The following TENM3 variants were observed in gnomAD, a reference collection of about 807,000 sequenced individuals.
The protein encoded by TENM3 is teneurin-3.
TENM3 carries 63 observed loss-of-function variants against 255.1 expected under a neutral mutation model. That is an observed-to-expected ratio of 0.25 (90% CI 0.20 to 0.30). The LOEUF is 0.30. Ranked by LOEUF, TENM3 falls within the 10% of genes least tolerant of loss-of-function variation. The pLI is 1.00. For missense variants in TENM3, 2,929 were observed against 3,461.1 expected (o/e 0.85, Z 3.86); for synonymous variants, 1,306 against 1,322.3 (o/e 0.99, Z 0.27).
the TENM3 span, among the ~76,000 whole-genome samples, chr4:181,690,017 T>A: frequency 6.6e-6 from 1 of 152,106 alleles, no homozygotes; most frequent in African/African-American, 2.4e-5. Context: ...TTCAGGGAGA[T>A]TGCCATGTGC....
At chr4:182,575,195 T>C (rs114842652) in intron 3 of TENM3, among the ~76,000 whole-genome samples, 1 of 152,294 alleles carries the variant, frequency 6.6e-6, no homozygotes, top group Non-Finnish European at 1.5e-5. Flanking sequence ...TATCCTGGTA[T>C]TTTACAAGAT....
the TENM3 span, among the ~76,000 whole-genome samples, chr4:181,648,727 C>T: frequency 6.6e-6 from 1 of 152,162 alleles, no homozygotes; most frequent in South Asian, 2.1e-4. Context: ...AATTCTAAAC[C>T]TGTGTCCTTC....
chr4:182,636,655 T>C (rs959493711), intron 5 of TENM3, among the ~76,000 whole-genome samples: 39 of 151,310 alleles, frequency 2.6e-4, no homozygotes, highest in African/African-American at 9.5e-4. Flanking sequence ...AGGCAGAGGT[T>C]GCAGCGAGCA....
At chr4:181,693,286 C>T in the TENM3 span, among the ~76,000 whole-genome samples, 4 of 152,172 alleles carry the variant, frequency 2.6e-5, no homozygotes, top group Non-Finnish European at 4.4e-5. Context: ...GGATTAAAAT[C>T]CAAAATATTC....
upstream of TENM3, chr4:182,143,482 T>C (rs1003742578): frequency 6.0e-6 from 1 of 166,884 alleles, no homozygotes; most frequent in Non-Finnish European, 1.5e-5. This position sits in a 1 kb window ranked among gnomAD's most constrained non-coding sequence, Gnocchi z 4.3. Flanking sequence ...TCGGAATCCG[T>C]CTTCCCGGCA....
the TENM3 span, among the ~76,000 whole-genome samples, chr4:181,530,328 T>A: frequency 2.0e-5 from 3 of 152,212 alleles, no homozygotes. Context: ...CAAGTAATGA[T>A]CTTAGGAAGT....
At chr4:181,969,952 T>C in the TENM3 span, among the ~76,000 whole-genome samples, 3 of 152,222 alleles carry the variant, frequency 2.0e-5, no homozygotes, top group African/African-American at 7.2e-5. Context: ...AAGATTCAAG[T>C]AAGCAAGGCT....
At chr4:182,674,746 T>C (rs923914445) in intron 7 of TENM3, among the ~76,000 whole-genome samples, 2 of 152,092 alleles carry the variant, frequency 1.3e-5, no homozygotes, top group African/African-American at 2.4e-5. Context: ...CGGCTAATTT[T>C]TGTATTTTTT....
At chr4:182,332,619 G>A (rs1763840605) in intron 2 of TENM3, among the ~76,000 whole-genome samples, 4 of 151,700 alleles carry the variant, frequency 2.6e-5, no homozygotes, top group African/African-American at 9.7e-5. Flanking sequence ...GCGTGAACCC[G>A]GGAGGTGGAG....
intron 22 of TENM3, among the ~76,000 whole-genome samples, chr4:182,770,675 T>C (rs748397187): frequency 1.1e-4 from 16 of 152,226 alleles, no homozygotes; most frequent in Non-Finnish European, 1.5e-4. Context: ...CCCCTTCTGC[T>C]CACTCTGGTG....
intron 3 of TENM3, among the ~76,000 whole-genome samples, chr4:182,522,550 A>G (rs1327652770): frequency 2.0e-5 from 3 of 152,202 alleles, no homozygotes; most frequent in Non-Finnish European, 4.4e-5. Context: ...TCCACTGTGT[A>G]TATATACCAC....
At position 182,800,602 on chromosome 4, in the gene TENM3, A is replaced by C. The variant is rs1282229075; in HGVS notation, c.*251A>C. On this transcript the variant is annotated 3_prime_UTR_variant, in exon 28 of 28. Coordinates refer to ENST00000511685, the MANE Select transcript of TENM3 (RefSeq NM_001080477.4). ...GGACTGAACGTAGCCAGAGGAAAAA[A>C]AAATCATCAAGGACAAAGGCCTCGA... 4 of 393,732 alleles carry C rather than the reference A, an allele frequency of 1.0e-5. No individual in the cohort carries two copies. The highest frequency in any genetic ancestry group is 8.5e-5 in the African/African-American group (4 of 47,278). 24.4% of individuals were successfully genotyped at this position (393,732 alleles called of 1,614,324 possible).
the TENM3 span, among the ~76,000 whole-genome samples, chr4:181,792,967 T>C: frequency 6.6e-6 from 1 of 152,092 alleles, no homozygotes; most frequent in African/African-American, 2.4e-5. Flanking sequence ...TAGACGGTTT[T>C]TTTTTTCCTG....
chr4:182,630,994 G>C (rs1000069196), intron 5 of TENM3, among the ~76,000 whole-genome samples: 1 of 152,068 alleles, frequency 6.6e-6, no homozygotes, highest in Non-Finnish European at 1.5e-5. Flanking sequence ...ACTGTTACCT[G>C]TGAGACTTGT....
chr4:182,248,673 A>C (rs1213070502), intron 1 of TENM3, among the ~76,000 whole-genome samples: 1 of 152,234 alleles, frequency 6.6e-6, no homozygotes, highest in Non-Finnish European at 1.5e-5. Context: ...AGTGGATTAC[A>C]AAGGAGACCA....
At chr4:181,993,846 C>G in the TENM3 span, among the ~76,000 whole-genome samples, 78 of 152,062 alleles carry the variant, frequency 5.1e-4, no homozygotes, top group East Asian at 0.014. Flanking sequence ...GAATGCTGCC[C>G]GTTGGTTCTC....
At chr4:182,201,647 T>G (rs1275159217) in intron 1 of TENM3, among the ~76,000 whole-genome samples, 2 of 150,572 alleles carry the variant, frequency 1.3e-5, no homozygotes, top group Non-Finnish European at 3.0e-5. Flanking sequence ...CGGAAGGGGG[T>G]CTGAAGTTAT....
At chr4:181,886,733 A>T in the TENM3 span, among the ~76,000 whole-genome samples, 1 of 152,202 alleles carries the variant, frequency 6.6e-6, no homozygotes, top group Non-Finnish European at 1.5e-5. Context: ...CTTAGAAGTA[A>T]TTTTAAAAAT....
At chr4:182,335,305 T>TAACACG (rs1396272524) in intron 2 of TENM3, among the ~76,000 whole-genome samples, 364 of 45,324 alleles carry the variant, frequency 8.0e-3, no homozygotes, top group South Asian at 0.011. Context: ...GAGACCATCC[T>TAACACG]GTGAATGGTG....
Sources: allele counts gnomAD v4.1 joint callset (sites outside exome capture counted in the v4.1 genomes callset), GRCh38; gene constraint gnomAD v4.1.1; non-coding constraint Gnocchi (gnomAD v3.1); transcripts MANE v1.5; gene names NCBI Gene and HGNC (gene_info 2026-07-23, HGNC 2026-07-21).